ACTMAP: variants seen among roughly 807,000 people sequenced by gnomAD.
The protein encoded by ACTMAP is actin maturation protease.
At chr19:40,747,939 C>T in the ACTMAP span, among the ~76,000 whole-genome samples, 6 of 152,102 alleles carry the variant, frequency 3.9e-5, no homozygotes, top group Non-Finnish European at 7.4e-5. Context: ...TCTTTCTGCA[C>T]TATAGCTAAG....
chr19:40,746,434 G>A, the ACTMAP span, among the ~76,000 whole-genome samples: 1 of 151,660 alleles, frequency 6.6e-6, no homozygotes, highest in Non-Finnish European at 1.5e-5. Flanking sequence ...GGAGTGCAGT[G>A]GCCCGATCTT....
chr19:40,741,742 C>T, the ACTMAP span: 1 of 456,698 alleles, frequency 2.2e-6, no homozygotes, highest in South Asian at 1.5e-5. Context: ...TCCACTTCTC[C>T]AGGCCTCAGT....
the ACTMAP span, chr19:40,740,905 G>A: frequency 7.5e-5 from 30 of 398,460 alleles, no homozygotes; most frequent in Middle Eastern, 6.3e-4. Context: ...ATTTGGACAC[G>A]TGGGCTGGGT....
the ACTMAP span, among the ~76,000 whole-genome samples, chr19:40,746,994 A>G: frequency 6.6e-6 from 1 of 151,718 alleles, no homozygotes; most frequent in Non-Finnish European, 1.5e-5. Flanking sequence ...TTTGGTAGAG[A>G]CAGGGTTTTG....
At chr19:40,746,501 G>A in the ACTMAP span, among the ~76,000 whole-genome samples, 2 of 151,742 alleles carry the variant, frequency 1.3e-5, no homozygotes, top group Non-Finnish European at 2.9e-5. Flanking sequence ...TCAGCCTCCC[G>A]AATAGCTGGG....
the ACTMAP span, among the ~76,000 whole-genome samples, chr19:40,744,362 G>A: frequency 2.6e-5 from 4 of 152,166 alleles, no homozygotes; most frequent in Non-Finnish European, 5.9e-5. Context: ...TGGCCCCAGC[G>A]AAGAGGTGGC....
chr19:40,745,154 G>C, the ACTMAP span: 1 of 1,551,914 alleles, frequency 6.4e-7, no homozygotes, highest in Non-Finnish European at 8.7e-7. Flanking sequence ...GATGAGGGAC[G>C]GCAGGTCTGC....
At chr19:40,748,944 G>T in the ACTMAP span, among the ~76,000 whole-genome samples, 1 of 151,322 alleles carries the variant, frequency 6.6e-6, no homozygotes, top group Admixed American at 6.6e-5. Flanking sequence ...GTCTGGAAAG[G>T]TGGAGGGATC....
chr19:40,745,973 CTTTTTA>C, the ACTMAP span, among the ~76,000 whole-genome samples: 4 of 152,114 alleles, frequency 2.6e-5, no homozygotes, highest in Non-Finnish European at 4.4e-5. Context: ...GTGCCCGACT[CTTTTTA>C]TTTTTAGTAG....
the ACTMAP span, chr19:40,749,452 G>A: frequency 6.6e-7 from 1 of 1,518,072 alleles, no homozygotes; most frequent in Non-Finnish European, 8.9e-7. Flanking sequence ...GGCAGAGCCT[G>A]GGTGGTGGGT....
At chr19:40,741,214 G>A in the ACTMAP span, 1 of 380,590 alleles carries the variant, frequency 2.6e-6, no homozygotes, top group Non-Finnish European at 4.7e-6. Context: ...GGCCGAGGCG[G>A]GTGGATTACT....
chr19:40,749,558 C>T, the ACTMAP span: 3 of 1,551,340 alleles, frequency 1.9e-6, no homozygotes, highest in East Asian at 2.4e-5. Flanking sequence ...CAAAGGCCTC[C>T]TTCAGGAGCT....
chr19:40,742,832 A>C, the ACTMAP span: 2 of 1,482,760 alleles, frequency 1.3e-6, no homozygotes, highest in Non-Finnish European at 9.1e-7. Flanking sequence ...GCTGGGGCTC[A>C]CTAAGTTCCG....
chr19:40,748,984 CTT>C, the ACTMAP span, among the ~76,000 whole-genome samples: 11 of 102,550 alleles, frequency 1.1e-4, no homozygotes, highest in African/African-American at 3.2e-4. Flanking sequence ...GGCATTTGCT[CTT>C]TTTTTTTTTT....
the ACTMAP span, chr19:40,744,607 G>C: frequency 6.2e-7 from 1 of 1,613,858 alleles, no homozygotes; most frequent in East Asian, 2.2e-5. Flanking sequence ...GTGGCCACCC[G>C]TATGAGTCTC....
the ACTMAP span, among the ~76,000 whole-genome samples, chr19:40,743,507 A>G: frequency 6.6e-6 from 1 of 152,114 alleles, no homozygotes; most frequent in African/African-American, 2.4e-5. Context: ...TGCTGGGATT[A>G]CAGGCGTGAG....
chr19:40,745,030 G>A, the ACTMAP span: 2 of 1,398,386 alleles, frequency 1.4e-6, no homozygotes, highest in Non-Finnish European at 2.0e-6. Flanking sequence ...CTCCCAGCAG[G>A]GACAATCCAC....
the ACTMAP span, chr19:40,741,707 AG>A: frequency 2.2e-6 from 1 of 456,556 alleles, no homozygotes; most frequent in African/African-American, 2.0e-5. Context: ...GCCATGTGCT[AG>A]TCATGTGACC....
the ACTMAP span, among the ~76,000 whole-genome samples, chr19:40,748,629 G>C: frequency 6.6e-6 from 1 of 152,186 alleles, no homozygotes; most frequent in Non-Finnish European, 1.5e-5. Context: ...CCTCAGGAAA[G>C]TCTCAGTCCC....
Sources: gnomAD v4.1 joint callset for allele counts (sites outside exome capture counted in the v4.1 genomes callset) on GRCh38, gnomAD v4.1.1 for gene constraint, MANE v1.5 for transcripts, NCBI Gene and HGNC (gene_info 2026-07-23, HGNC 2026-07-21) for gene names.